The following DLGAP2 variants were observed in gnomAD, a reference collection of about 807,000 sequenced individuals.
The protein encoded by DLGAP2 is DLG associated protein 2, also known as disks large-associated protein 2.
A neutral mutation model predicts 100.3 loss-of-function variants in DLGAP2; 26 were observed. That is an observed-to-expected ratio of 0.26 (90% CI 0.19 to 0.36). The LOEUF is 0.36. Ranked by LOEUF, DLGAP2 falls within the 10% of genes least tolerant of loss-of-function variation. DLGAP2 has a pLI of 1.00. For synonymous variants in DLGAP2, 886 were observed against 630.1 expected (o/e 1.41, Z -6.08); for missense variants, 1,858 against 1,453.2 (o/e 1.28, Z -4.53).
chr8:1,048,592 A>AATACTTGGTGTGTTTCCTTG (rs757251976), intron 2 of DLGAP2, among the ~76,000 whole-genome samples: 133 of 151,892 alleles, frequency 8.8e-4, no homozygotes, highest in Admixed American at 2.8e-3. Flanking sequence ...TACAATGGTG[A>AATACTTGGTGTGTTTCCTTG]ATACTTGGTG....
intron 3 of DLGAP2, among the ~76,000 whole-genome samples, chr8:1,498,204 G>T (rs1164812855): frequency 6.6e-6 from 1 of 152,164 alleles, no homozygotes; most frequent in Non-Finnish European, 1.5e-5. Context: ...TTGTGGAGAT[G>T]CAGTTCCCAC....
intron 2 of DLGAP2, among the ~76,000 whole-genome samples, chr8:1,058,802 G>T (rs756823568): frequency 6.6e-6 from 1 of 152,324 alleles, no homozygotes; most frequent in South Asian, 2.1e-4. Flanking sequence ...CAGATTATTG[G>T]ATTAGGAATC....
intron 13 of DLGAP2, 58 bp downstream of exon 13, chr8:1,691,684 C>G: frequency 7.4e-7 from 1 of 1,344,442 alleles, no homozygotes; most frequent in Non-Finnish European, 1.1e-6. Flanking sequence ...GGCATCATTC[C>G]ACAGATTCTC....
intron 2 of DLGAP2, among the ~76,000 whole-genome samples, chr8:1,173,796 T>G (rs901587220): frequency 2.0e-5 from 3 of 152,174 alleles, no homozygotes; most frequent in African/African-American, 7.2e-5. Context: ...CCCCTTTCTT[T>G]GACTAGGAAA....
At chr8:1,285,869 G>T (rs1036793382) in intron 3 of DLGAP2, among the ~76,000 whole-genome samples, 2 of 152,166 alleles carry the variant, frequency 1.3e-5, no homozygotes, top group Non-Finnish European at 2.9e-5. Context: ...TCCTTGCAAG[G>T]ATTACCTGAG....
chr8:1,693,053 A>C (rs1315097980), intron 13 of DLGAP2, among the ~76,000 whole-genome samples: 1 of 148,160 alleles, frequency 6.7e-6, no homozygotes, highest in Admixed American at 6.8e-5. Flanking sequence ...AAACATATAT[A>C]GGTGTATTTA....
At position 1,267,637 on chromosome 8, in the gene DLGAP2, G is replaced by GATCAAA. The variant is rs1382093781; in HGVS notation, c.106+8754_106+8755insATCAAA. ...ATAAGATAAGATAAATATTAAATAG[G>GATCAAA]TCTACAAAAAGGCCTCCAGGGTCAG... On this transcript the variant is annotated intron_variant, in intron 3 of 14. Transcript: ENST00000637795. Among the ~76,000 whole-genome samples the GATCAAA allele has an allele frequency of 4.7e-4, 43 of 91,968 alleles. 1 individual carries two copies. Among genetic ancestry groups the GATCAAA allele is most frequent in the African/African-American group, 1.8e-3 (42 of 23,164 alleles). 60.3% of individuals were successfully genotyped at this position (91,968 alleles called of 152,430 possible).
chr8:1,237,643 T>A (rs1276457817), intron 2 of DLGAP2, among the ~76,000 whole-genome samples: 1 of 145,562 alleles, frequency 6.9e-6, no homozygotes, highest in African/African-American at 2.6e-5. Flanking sequence ...CGTGTCTAGT[T>A]CTCTCTCACA....
chr8:974,803 A>G (rs998567062), intron 2 of DLGAP2, among the ~76,000 whole-genome samples: 13 of 152,200 alleles, frequency 8.5e-5, no homozygotes, highest in African/African-American at 3.1e-4. Context: ...ATGGAGTAAG[A>G]TCCAAAATCA....
At position 1,408,636 on chromosome 8, in the gene DLGAP2, G is replaced by A. The variant is rs78508518; in HGVS notation, c.107-92730G>A. Among the ~76,000 whole-genome samples, 1,505 of 152,236 alleles carry A rather than the reference G, an allele frequency of 9.9e-3. 22 individuals carry two copies. The highest frequency in any genetic ancestry group is 0.034 in the African/African-American group (1,424 of 41,534). On this transcript the variant is annotated intron_variant, in intron 3 of 14. Transcript: ENST00000637795. The stretch of plus-strand genomic sequence containing the variant: ...TCTGGAGCAGGCAACATGGATTCAC[G>A]CATAACTTTGAAAATGTATCTTGGA...
intron 3 of DLGAP2, among the ~76,000 whole-genome samples, chr8:1,418,219 T>C (rs1216376373): frequency 6.6e-6 from 1 of 152,268 alleles, no homozygotes; most frequent in Non-Finnish European, 1.5e-5. Flanking sequence ...TGTAACTGTC[T>C]CTACTACTGA....
At chr8:1,243,406 G>C (rs114123371) in intron 2 of DLGAP2, among the ~76,000 whole-genome samples, 1 of 152,134 alleles carries the variant, frequency 6.6e-6, no homozygotes, top group Non-Finnish European at 1.5e-5. Flanking sequence ...CATTCCTCCT[G>C]CGCAGCTGCC....
At chr8:867,717 G>A (rs960541398) in intron 1 of DLGAP2, among the ~76,000 whole-genome samples, 6 of 152,184 alleles carry the variant, frequency 3.9e-5, no homozygotes, top group Admixed American at 2.0e-4. Context: ...TTCTGCTGTG[G>A]TAGTGGATGC....
At chr8:1,536,716 C>T (rs1563207071) in intron 4 of DLGAP2, among the ~76,000 whole-genome samples, 1 of 152,218 alleles carries the variant, frequency 6.6e-6, no homozygotes, top group Non-Finnish European at 1.5e-5. Flanking sequence ...GTCTCATATT[C>T]ATTTTGTCTC....
intron 3 of DLGAP2, among the ~76,000 whole-genome samples, chr8:1,359,038 G>A (rs1283735152): frequency 1.4e-4 from 21 of 152,168 alleles, no homozygotes; most frequent in Admixed American, 1.0e-3. Flanking sequence ...CCAGAGCTTC[G>A]GATTCGGCAG....
chr8:876,731 C>G (rs533474435), intron 1 of DLGAP2, among the ~76,000 whole-genome samples: 2 of 152,042 alleles, frequency 1.3e-5, no homozygotes, highest in African/African-American at 4.8e-5. Flanking sequence ...TTTTTTGCTG[C>G]TTTCTCTTAC....
In DLGAP2 at chr8:1,702,413, T is replaced by C. The variant is rs528308686; in HGVS notation, c.*1007T>C. 9 of 152,688 alleles carry C rather than the reference T, an allele frequency of 5.9e-5. No homozygotes were observed. Among genetic ancestry groups the C allele is most frequent in the Admixed American group, 4.6e-4 (7 of 15,310 alleles). The allele number at this position is 152,688 out of a possible 1,614,324, so 9.5% of individuals were successfully genotyped here. A position where few individuals can be genotyped will look rare whatever the true frequency, so the allele number is the denominator to read the frequency against. On this transcript the variant is annotated 3_prime_UTR_variant, in exon 15 of 15. Coordinates refer to ENST00000637795, the MANE Select transcript of DLGAP2 (RefSeq NM_001346810.2). ...AAGTTTGCTTGTTTAAAATGACAGT[T>C]GTGATGTAAAAAGTTTAAGAAATAT...
chr8:891,118 G>T (rs1798025286), intron 1 of DLGAP2: 1 of 149,944 alleles, frequency 6.7e-6, no homozygotes, highest in Non-Finnish European at 1.5e-5. Context: ...GGAATTCGGG[G>T]TAAATAAGGC....
Position 1,364,427 on chromosome 8 carries a change from C to T in DLGAP2, c.106+105544C>T, listed in dbSNP as rs1004055977. 1.7e-4 allele frequency among the ~76,000 whole-genome samples: 26 copies of T among 151,250 alleles called. 1 individual carries two copies. Among genetic ancestry groups the T allele is most frequent in the Admixed American group, 1.6e-3 (24 of 15,126 alleles). On this transcript the variant is annotated intron_variant, in intron 3 of 14. Transcript: ENST00000637795. ...GCAGGCCTGGGGGCCTCCTCCACCC[C>T]GACCTTCAGGAACCCCAGATTCTGG...
Sources: gnomAD v4.1 joint callset for allele counts (sites outside exome capture counted in the v4.1 genomes callset) on GRCh38, gnomAD v4.1.1 for gene constraint, MANE v1.5 for transcripts, NCBI Gene and HGNC (gene_info 2026-07-23, HGNC 2026-07-21) for gene names.